Variants in RHOH observed in about 807,000 individuals in gnomAD.
RHOH encodes the protein ras homolog family member H.
RHOH carries 6 observed loss-of-function variants against 13.8 expected under a neutral mutation model. That is an observed-to-expected ratio of 0.44 (90% CI 0.24 to 0.86). RHOH has a LOEUF of 0.86. RHOH is among the 40% of genes least tolerant of loss of function. RHOH has a pLI of 0.24. For missense variants in RHOH, 147 were observed against 244.5 expected (o/e 0.60, Z 2.66); for synonymous variants, 117 against 103.0 (o/e 1.14, Z -0.82).
At chr4:40,221,451 A>G (rs1726565550) in intron 1 of RHOH, among the ~76,000 whole-genome samples, 1 of 152,132 alleles carries the variant, frequency 6.6e-6, no homozygotes, top group African/African-American at 2.4e-5. Flanking sequence ...TGCTCACTTC[A>G]TGGCTCTGTC....
intron 1 of RHOH, among the ~76,000 whole-genome samples, chr4:40,234,954 T>C (rs1479252885): frequency 1.3e-5 from 2 of 152,164 alleles, no homozygotes; most frequent in African/African-American, 4.8e-5. Context: ...AGATGATCTA[T>C]GTATGAAAGT....
Position 40,222,430 on chromosome 4 carries a change from T to C in RHOH, c.-330-20284T>C, listed in dbSNP as rs543688990. 2.6e-5 allele frequency among the ~76,000 whole-genome samples: 4 copies of C among 152,374 alleles called. No homozygotes were observed. The East Asian group carries it at 7.7e-4, about 29-fold the overall frequency. ...CTTTAAGGTAAAGCCAGTACTCATT[T>C]ACCATTCCAACAGATCCTAGGGCCT... is the stretch of plus-strand genomic sequence containing the variant. On this transcript the variant is annotated intron_variant, in intron 1 of 2. Transcript: ENST00000381799.
At chr4:40,220,955 ATAATAT>A (rs1449139025) in intron 1 of RHOH, among the ~76,000 whole-genome samples, 1 of 152,252 alleles carries the variant, frequency 6.6e-6, no homozygotes, top group Non-Finnish European at 1.5e-5. Context: ...CTATGTATCT[ATAATAT>A]TATCTGTATA....
intron 1 of RHOH, among the ~76,000 whole-genome samples, chr4:40,216,134 C>T (rs1175253483): frequency 9.4e-6 from 1 of 106,786 alleles, no homozygotes; most frequent in South Asian, 3.4e-4. Flanking sequence ...CTGACAGTTG[C>T]TATTTTTTTT....
At chr4:40,234,117 TC>T (rs1728274156) in intron 1 of RHOH, among the ~76,000 whole-genome samples, 2 of 152,244 alleles carry the variant, frequency 1.3e-5, no homozygotes, top group East Asian at 3.9e-4. Context: ...GCCTTTTTGC[TC>T]TCTTTTTCCT....
intron 1 of RHOH, among the ~76,000 whole-genome samples, chr4:40,201,244 T>G (rs1723938446): frequency 6.6e-6 from 1 of 152,120 alleles, no homozygotes; most frequent in Non-Finnish European, 1.5e-5. Flanking sequence ...TGTTAGATGT[T>G]CACTCTATCC....
intron 1 of RHOH, among the ~76,000 whole-genome samples, chr4:40,226,074 G>T (rs1727193321): frequency 6.6e-6 from 1 of 152,122 alleles, no homozygotes; most frequent in Admixed American, 6.6e-5. Flanking sequence ...ATCCTTATCT[G>T]CTAAGGGCCA....
At chr4:40,213,782 G>C (rs1401983525) in intron 1 of RHOH, among the ~76,000 whole-genome samples, 2 of 152,010 alleles carry the variant, frequency 1.3e-5, no homozygotes, top group Non-Finnish European at 1.5e-5. Context: ...TGTTGAGATA[G>C]AGTCTTGCTC....
rs1729572776 is a variant in RHOH at position 40,243,901 on chromosome 4, A to G, written c.515A>G (p.Asn172Ser). The change falls in exon 3 of 3, where the codon AAC (asparagine) becomes AGC (serine). Residue 172 changes from asparagine (N) to serine (S), a missense_variant. Transcript: ENST00000381799. The surrounding 1 kb of genome is among the most constrained non-coding windows in gnomAD (Gnocchi z 6.2). ...VFECAVRTAV[N>S]QARRRNRRRL... ...GAGTGCGCCGTCCGAACTGCCGTCA[A>G]CCAGGCCAGGAGACGAAACAGAAGG... 12 of 1,614,186 alleles carry G rather than the reference A, an allele frequency of 7.4e-6. No individual in the cohort carries two copies. The highest frequency in any genetic ancestry group is 9.3e-6 in the Non-Finnish European group (11 of 1,180,006).
chr4:40,237,049 T>C (rs1034955261), intron 1 of RHOH, among the ~76,000 whole-genome samples: 2 of 152,214 alleles, frequency 1.3e-5, no homozygotes, highest in Non-Finnish European at 2.9e-5. Flanking sequence ...TGTCTATTTG[T>C]TAGATAGTGA....
At chr4:40,232,952 G>A (rs1032681789) in intron 1 of RHOH, among the ~76,000 whole-genome samples, 10 of 152,056 alleles carry the variant, frequency 6.6e-5, no homozygotes, top group African/African-American at 2.4e-4. Flanking sequence ...GAGAATTAAT[G>A]CTCCCTCTCC....
At chr4:40,237,951 C>T (rs1471752640) in intron 1 of RHOH, among the ~76,000 whole-genome samples, 21 of 152,124 alleles carry the variant, frequency 1.4e-4, no homozygotes, top group Non-Finnish European at 1.5e-5. Flanking sequence ...AAGACTTTCT[C>T]GCAAAACCAA....
chr4:40,221,526 T>C (rs1579288617), intron 1 of RHOH, among the ~76,000 whole-genome samples: 1 of 152,352 alleles, frequency 6.6e-6, no homozygotes, highest in Middle Eastern at 3.4e-3. Context: ...TATGGTCATC[T>C]GTGATCAGTG....
chr4:40,213,900 G>A (rs1276612293), intron 1 of RHOH, among the ~76,000 whole-genome samples: 1 of 152,232 alleles, frequency 6.6e-6, no homozygotes, highest in East Asian at 1.9e-4. Context: ...GGGATTACAG[G>A]TGTGTGCCAC....
chr4:40,208,808 C>A (rs999369144), intron 1 of RHOH, among the ~76,000 whole-genome samples: 4 of 151,984 alleles, frequency 2.6e-5, no homozygotes, highest in Non-Finnish European at 5.9e-5. Context: ...AAATGCCCAA[C>A]AGAAATGTAT....
intron 1 of RHOH, among the ~76,000 whole-genome samples, chr4:40,228,894 G>C (rs772864359): frequency 7.2e-5 from 11 of 152,096 alleles, no homozygotes; most frequent in Non-Finnish European, 1.2e-4. Flanking sequence ...TTTTCATTAT[G>C]ACGTTTGTTC....
chr4:40,196,948 A>C (rs1723207061), upstream of RHOH: 1 of 147,432 alleles, frequency 6.8e-6, no homozygotes, highest in African/African-American at 2.5e-5. Context: ...ACACCCCCCT[A>C]AACCCACACA....
At chr4:40,238,435 C>A (rs1213836165) in intron 1 of RHOH, among the ~76,000 whole-genome samples, 1 of 152,212 alleles carries the variant, frequency 6.6e-6, no homozygotes, top group Non-Finnish European at 1.5e-5. Flanking sequence ...CCTCAGTTCT[C>A]CGGAGGAGGA....
intron 1 of RHOH, among the ~76,000 whole-genome samples, chr4:40,210,883 G>A (rs971984142): frequency 1.7e-4 from 26 of 152,116 alleles, no homozygotes; most frequent in Non-Finnish European, 1.8e-4. Context: ...TAGGAAAAAA[G>A]CGTCTAAAAA....
Sources: gnomAD v4.1 joint callset for allele counts (sites outside exome capture counted in the v4.1 genomes callset) on GRCh38, gnomAD v4.1.1 for gene constraint, Gnocchi (gnomAD v3.1) non-coding constraint, MANE v1.5 for transcripts, NCBI Gene and HGNC (gene_info 2026-07-23, HGNC 2026-07-21) for gene names.